Variants in LRP1B observed in about 807,000 individuals in gnomAD.
The protein encoded by LRP1B is low-density lipoprotein receptor-related protein 1B.
A neutral mutation model predicts 556.6 loss-of-function variants in LRP1B; 217 were observed. The ratio of observed to expected loss-of-function variants is 0.39; its 90% CI spans 0.35 to 0.44. The LOEUF (loss-of-function observed/expected upper bound fraction) is 0.44. Ranked by LOEUF, LRP1B falls within the 20% of genes least tolerant of loss-of-function variation. LRP1B has a pLI of 1.00. For missense variants in LRP1B, 5,053 were observed against 5,620.8 expected, an observed-to-expected ratio of 0.90 and a Z score of 3.23; for synonymous variants, 2,047 against 1,865.8, an observed-to-expected ratio of 1.10 and a Z score of -2.50.
chr2:140,462,734 CACTA>C (rs1479115235), intron 60 of LRP1B, among the ~76,000 whole-genome samples: 1 of 152,166 alleles, frequency 6.6e-6, no homozygotes, highest in African/African-American at 2.4e-5. Flanking sequence ...CTAGAACTCC[CACTA>C]ACTAATATTT....
chr2:142,114,593 T>C (rs559961616), intron 1 of LRP1B, among the ~76,000 whole-genome samples: 1 of 152,076 alleles, frequency 6.6e-6, no homozygotes, highest in East Asian at 1.9e-4. Context: ...TCATGAAAAA[T>C]AATACAATTC....
intron 3 of LRP1B, among the ~76,000 whole-genome samples, chr2:141,372,407 T>C (rs758095117): frequency 6.6e-6 from 1 of 152,134 alleles, no homozygotes; most frequent in Non-Finnish European, 1.5e-5. Context: ...TAAAATGAGT[T>C]AGGGAGAACT....
chr2:141,330,376 G>T (rs1353075242), intron 3 of LRP1B, among the ~76,000 whole-genome samples: 1 of 151,984 alleles, frequency 6.6e-6, no homozygotes, highest in Admixed American at 6.5e-5. Flanking sequence ...CCAGAATGAG[G>T]TCATCATAGT....
chr2:140,238,012 G>A (rs1197186188), intron 89 of LRP1B, 140 bp downstream of exon 89: 1 of 596,402 alleles, frequency 1.7e-6, no homozygotes, highest in African/African-American at 1.9e-5. Context: ...CTTTAGAAGA[G>A]GCTATATCAT....
intron 43 of LRP1B, among the ~76,000 whole-genome samples, chr2:140,591,737 A>G (rs483128): frequency 0.56 from 85,355 of 152,052 alleles, 24,447 homozygotes; most frequent in African/African-American, 0.65. Context: ...ATTCTCAAAG[A>G]TGAAAACCTG....
chr2:141,846,936 G>T (rs532389637), intron 1 of LRP1B, among the ~76,000 whole-genome samples: 1 of 151,534 alleles, frequency 6.6e-6, no homozygotes, highest in East Asian at 1.9e-4. Flanking sequence ...AGACAAAGAT[G>T]ATTGATGAAC....
intron 67 of LRP1B, among the ~76,000 whole-genome samples, chr2:140,381,660 C>T (rs754160363): frequency 1.3e-5 from 2 of 151,684 alleles, no homozygotes; most frequent in Non-Finnish European, 2.9e-5. Context: ...GTCAGGAGTT[C>T]GAGACCAGTC....
At chr2:140,555,865 G>A (rs188069343) in intron 43 of LRP1B, among the ~76,000 whole-genome samples, 1 of 151,950 alleles carries the variant, frequency 6.6e-6, no homozygotes. Context: ...GTTCTACTAA[G>A]GGTACAAAGG....
At chr2:141,075,149 G>A (rs1322872159) in intron 7 of LRP1B, among the ~76,000 whole-genome samples, 4 of 152,082 alleles carry the variant, frequency 2.6e-5, no homozygotes, top group Non-Finnish European at 4.4e-5. Flanking sequence ...CCTGGGAGGA[G>A]GATGGATTAA....
intron 20 of LRP1B, among the ~76,000 whole-genome samples, chr2:140,941,773 T>C (rs1695410422): frequency 6.6e-6 from 1 of 151,980 alleles, no homozygotes; most frequent in Admixed American, 6.6e-5. Context: ...GAAAAGAGAA[T>C]ATAAAAACAA....
At chr2:141,717,342 A>T (rs927748087) in intron 2 of LRP1B, among the ~76,000 whole-genome samples, 3 of 152,218 alleles carry the variant, frequency 2.0e-5, no homozygotes, top group African/African-American at 7.2e-5. Flanking sequence ...TATTATGTCA[A>T]ATAACTGCTC....
chr2:140,477,723 A>C (rs1179536453), intron 59 of LRP1B, among the ~76,000 whole-genome samples: 1 of 152,186 alleles, frequency 6.6e-6, no homozygotes, highest in African/African-American at 2.4e-5. Context: ...ATGAACCAAG[A>C]CACCAAGAAG....
intron 2 of LRP1B, among the ~76,000 whole-genome samples, chr2:141,516,998 G>A (rs574693987): frequency 1.3e-4 from 7 of 52,724 alleles, no homozygotes; most frequent in South Asian, 2.2e-3. Context: ...TGTCTGGCCC[G>A]TCTCTTAAAA....
At chr2:140,244,118 C>T (rs531021075) in intron 87 of LRP1B, among the ~76,000 whole-genome samples, 12 of 151,344 alleles carry the variant, frequency 7.9e-5, no homozygotes, top group African/African-American at 2.7e-4. Flanking sequence ...TAGTGCAGTA[C>T]TTGACACTTA....
At chr2:140,627,952 G>A (rs1460174020) in intron 41 of LRP1B, among the ~76,000 whole-genome samples, 2 of 152,150 alleles carry the variant, frequency 1.3e-5, no homozygotes, top group African/African-American at 4.8e-5. Context: ...TTAACTTAGA[G>A]ACTCAATTTT....
intron 7 of LRP1B, among the ~76,000 whole-genome samples, chr2:141,121,101 G>A (rs1701036017): frequency 6.6e-6 from 1 of 152,024 alleles, no homozygotes; most frequent in African/African-American, 2.4e-5. Flanking sequence ...TACCACCTAT[G>A]CGACACTGGC....
chr2:141,215,082 T>G (rs989387729), intron 6 of LRP1B, among the ~76,000 whole-genome samples: 4 of 152,142 alleles, frequency 2.6e-5, no homozygotes, highest in Non-Finnish European at 4.4e-5. Context: ...GATGTTTGGG[T>G]TATGGGGGTA....
chr2:141,000,034 CCTCCTGAGTACTTGGGT>C (rs1234129740), intron 15 of LRP1B, among the ~76,000 whole-genome samples: 1 of 151,972 alleles, frequency 6.6e-6, no homozygotes, highest in Non-Finnish European at 1.5e-5. Context: ...CCTGACTCAT[CCTCCTGAGTACTTGGGT>C]CTACAAGCGT....
chr2:141,986,951 A>T (rs1702207205), intron 1 of LRP1B, among the ~76,000 whole-genome samples: 1 of 151,986 alleles, frequency 6.6e-6, no homozygotes, highest in Admixed American at 6.6e-5. Context: ...ACCACTTATT[A>T]TCTATGACCT....
Sources: gnomAD v4.1 joint callset for allele counts (sites outside exome capture counted in the v4.1 genomes callset) on GRCh38, gnomAD v4.1.1 for gene constraint, MANE v1.5 for transcripts, NCBI Gene and HGNC (gene_info 2026-07-23, HGNC 2026-07-21) for gene names.